Variants in LRBA observed in about 807,000 individuals in gnomAD.
LRBA encodes lipopolysaccharide-responsive and beige-like anchor protein.
In LRBA, 176 loss-of-function variants were observed where a neutral mutation model predicts 330.0. The observed-to-expected ratio is 0.53, with a 90% CI of 0.47 to 0.60. The LOEUF is 0.60. Ranked by LOEUF, LRBA falls within the 20% of genes least tolerant of loss-of-function variation. LRBA has a pLI of 0.00. For missense variants in LRBA, 3,259 were observed against 3,444.8 expected, an observed-to-expected ratio of 0.95 and a Z score of 1.35; for synonymous variants, 1,230 against 1,193.0, an observed-to-expected ratio of 1.03 and a Z score of -0.64.
chr4:150,894,083 T>C (rs1006827180), intron 16 of LRBA, among the ~76,000 whole-genome samples: 1 of 152,240 alleles, frequency 6.6e-6, no homozygotes, highest in Non-Finnish European at 1.5e-5. Flanking sequence ...ACATGACTTT[T>C]TTTTAAGGAA....
At chr4:150,398,443 T>C (rs755388642) in intron 47 of LRBA, among the ~76,000 whole-genome samples, 19 of 152,186 alleles carry the variant, frequency 1.2e-4, no homozygotes, top group Non-Finnish European at 2.5e-4. Context: ...TGTAGAACAA[T>C]TATTTTGCTT....
intron 40 of LRBA, among the ~76,000 whole-genome samples, chr4:150,511,039 G>A (rs1362048474): frequency 6.6e-6 from 1 of 151,938 alleles, no homozygotes; most frequent in Non-Finnish European, 1.5e-5. Flanking sequence ...TGTATTTTTA[G>A]TAGAGACAGG....
At chr4:150,558,662 T>C (rs1054216809) in intron 40 of LRBA, among the ~76,000 whole-genome samples, 1 of 152,192 alleles carries the variant, frequency 6.6e-6, no homozygotes, top group Non-Finnish European at 1.5e-5. Context: ...GACCTGGGCA[T>C]TGAGTATTCT....
At chr4:150,276,675 A>G (rs1746822887) in intron 56 of LRBA, among the ~76,000 whole-genome samples, 2 of 152,234 alleles carry the variant, frequency 1.3e-5, no homozygotes, top group Admixed American at 1.3e-4. Flanking sequence ...TATGAATAAA[A>G]GCTCTTTATC....
intron 36 of LRBA, among the ~76,000 whole-genome samples, chr4:150,709,919 C>T (rs1021506714): frequency 6.6e-6 from 1 of 151,664 alleles, no homozygotes; most frequent in Non-Finnish European, 1.5e-5. Flanking sequence ...GGTATTGTGA[C>T]TAGGAGCAAA....
Position 150,559,574 on chromosome 4 carries a change from A to AC in LRBA, c.6330+28473_6330+28474insG, listed in dbSNP as rs1374306614. Among the ~76,000 whole-genome samples, 163 of 120,838 alleles carry AC rather than the reference A, an allele frequency of 1.3e-3. 1 individual carries two copies. Among genetic ancestry groups the AC allele is most frequent in the African/African-American group, 4.7e-3 (151 of 31,810 alleles). The allele number at this position is 120,838 out of a possible 152,430, so 79.3% of individuals were successfully genotyped here. ...AATATATATATTTATATAAATATATAAATATATAAATATTTATAATATATA... is the reference window on the plus strand; with the variant it reads ...AATATATATATTTATATAAATATATACAATATATAAATATTTATAATATATA... On this transcript the variant is annotated intron_variant, in intron 40 of 56. Transcript: ENST00000651943.
Position 150,302,666 on chromosome 4 carries a change from T to G in LRBA, c.7976A>C (p.Tyr2659Ser), listed in dbSNP as rs769489944. 5 of 1,612,724 alleles carry G rather than the reference T, an allele frequency of 3.1e-6. No homozygotes were observed. The African/African-American group carries it at 6.7e-5, about 22-fold the overall frequency. The change falls in exon 53 of 57, where the codon TAT becomes TCT. Residue 2659 changes from tyrosine to serine, a missense_variant. By Grantham distance (144) the Tyr-to-Ser change is moderately radical (BLOSUM62 -2). Transcript: ENST00000651943. ...AATCCCACTGCATTTTCCATTCCAA[T>G]ACCACAGCAAAAGAGTTGCATCACG... ...GSRDATLLLWYWNGKCSGIGD... is the reference protein window; with the variant it reads ...GSRDATLLLWSWNGKCSGIGD...
chr4:150,639,757 A>T lies in LRBA; in HGVS notation c.5922-40626T>A, dbSNP rs187885824. Among the ~76,000 whole-genome samples the T allele has an allele frequency of 2.6e-3, 47 of 17,902 alleles. 2 individuals are homozygous for T. Among genetic ancestry groups the T allele is most frequent in the African/African-American group, 0.012 (47 of 4,072 alleles). 11.7% of individuals were successfully genotyped at this position (17,902 alleles called of 152,430 possible). ...CCCAAATATATATATATATATATAT[A>T]TATATATATATATATATATATATAT... On this transcript the variant is annotated intron_variant, in intron 37 of 56. Transcript: ENST00000651943.
intron 2 of LRBA, among the ~76,000 whole-genome samples, chr4:151,000,366 CAT>C (rs749390936): frequency 2.3e-4 from 35 of 152,268 alleles, no homozygotes; most frequent in Admixed American, 1.1e-3. Flanking sequence ...AACCTCAGCA[CAT>C]GATTTTTTTT....
intron 53 of LRBA, among the ~76,000 whole-genome samples, chr4:150,294,152 G>A (rs969893356): frequency 9.2e-5 from 14 of 152,126 alleles, no homozygotes; most frequent in Non-Finnish European, 1.9e-4. Flanking sequence ...ATTAGAAAAT[G>A]GGTTTATATG....
chr4:150,845,493 G>A (rs79438828), intron 26 of LRBA, among the ~76,000 whole-genome samples: 1 of 152,158 alleles, frequency 6.6e-6, no homozygotes, highest in African/African-American at 2.4e-5. Flanking sequence ...ATTACATTAT[G>A]TACCCTTCAC....
At chr4:150,836,167 GA>G (rs1475776454) in intron 28 of LRBA, among the ~76,000 whole-genome samples, 3 of 152,164 alleles carry the variant, frequency 2.0e-5, no homozygotes, top group African/African-American at 7.2e-5. Context: ...GATCATGGTG[GA>G]TAAGCTTTTT....
At chr4:150,794,023 A>G (rs899076675) in intron 34 of LRBA, among the ~76,000 whole-genome samples, 1 of 152,232 alleles carries the variant, frequency 6.6e-6, no homozygotes, top group Non-Finnish European at 1.5e-5. Context: ...AAAGATACCA[A>G]TTATAGATAT....
At chr4:151,008,757 G>A (rs1286666825) in intron 2 of LRBA, among the ~76,000 whole-genome samples, 2 of 150,924 alleles carry the variant, frequency 1.3e-5, no homozygotes, top group South Asian at 2.1e-4. Context: ...GGCGGATCAC[G>A]AGGTCAGGAG....
Position 150,325,864 on chromosome 4 carries a change from G to C in LRBA, c.7397C>G (p.Thr2466Ser), listed in dbSNP as rs376476747. ...GGGCTCTATGAGTAGTTGAGAAGGA[G>C]TCTGTCCAAAACTTCGGATTTGAGC... The part of the protein sequence containing the change: ...VEAQIRSFGQ[T>S]PSQLLIEPHP... Residue 2466 changes from threonine (T) to serine (S), a missense_variant, in exon 49 of 57, where the codon ACT (threonine) becomes AGT (serine). Coordinates refer to ENST00000651943, the MANE Select transcript of LRBA (RefSeq NM_001364905.1). 11 of 1,613,420 alleles carry C rather than the reference G, an allele frequency of 6.8e-6. No homozygotes were observed. The highest frequency in any genetic ancestry group is 9.3e-6 in the Non-Finnish European group (11 of 1,179,668).
chr4:150,271,702 A>G (rs1580854012), intron 56 of LRBA, among the ~76,000 whole-genome samples: 1 of 152,182 alleles, frequency 6.6e-6, no homozygotes, highest in African/African-American at 2.4e-5. Flanking sequence ...GTGAGGCTTG[A>G]GTAGGTGGTT....
chr4:150,739,158 A>G (rs189123600), intron 35 of LRBA, among the ~76,000 whole-genome samples: 252 of 152,300 alleles, frequency 1.7e-3, no homozygotes, highest in South Asian at 2.1e-3. Flanking sequence ...TAATAAAAGG[A>G]TAAATGAACT....
intron 2 of LRBA, among the ~76,000 whole-genome samples, chr4:150,946,143 T>C (rs983151774): frequency 1.1e-4 from 17 of 152,310 alleles, no homozygotes; most frequent in African/African-American, 3.8e-4. Flanking sequence ...TATTTATTTA[T>C]TATGAAATAA....
Position 150,559,832 on chromosome 4 carries a change from AATATAAT to A in LRBA, c.6330+28209_6330+28215del, listed in dbSNP as rs1196493286. ...TATATAATAATATATAATAATATAAAATATAATATATATAATAATATATAATTATATA... is the reference window on the plus strand; with the variant it reads ...TATATAATAATATATAATAATATAAAATATATAATAATATATAATTATATA... On this transcript the variant is annotated intron_variant, in intron 40 of 56. Coordinates refer to ENST00000651943, the MANE Select transcript of LRBA (RefSeq NM_001364905.1). Among the ~76,000 whole-genome samples, 5 of 57,196 alleles carry A rather than the reference AATATAAT, an allele frequency of 8.7e-5. No homozygotes were observed. The East Asian group carries it at 2.5e-3, about 29-fold the overall frequency. The allele number at this position is 57,196 out of a possible 152,430, so 37.5% of individuals were successfully genotyped here.
Sources: gnomAD v4.1 joint callset for allele counts (sites outside exome capture counted in the v4.1 genomes callset) on GRCh38, gnomAD v4.1.1 for gene constraint, MANE v1.5 for transcripts, NCBI Gene and HGNC (gene_info 2026-07-23, HGNC 2026-07-21) for gene names.